SOX5: variants seen among roughly 807,000 people sequenced by gnomAD.
SOX5 encodes SRY-box transcription factor 5.
In SOX5, 9 loss-of-function variants were observed where a neutral mutation model predicts 92.0. The observed-to-expected ratio is 0.10, with a 90% CI of 0.06 to 0.17. The LOEUF (loss-of-function observed/expected upper bound fraction) is 0.17. Among genes scored for constraint, SOX5 ranks in the 10% least tolerant of loss-of-function variants. The probability of loss-of-function intolerance (pLI) is 1.00; values close to 1 mark genes in which losing one functional copy is unlikely to be tolerated. For missense variants in SOX5, 642 were observed against 944.5 expected (o/e 0.68, Z 4.20); for synonymous variants, 344 against 336.3 (o/e 1.02, Z -0.25).
rs1378979301 is a variant in SOX5, at chr12:24,393,790, G to T, written c.-250-25151C>A. Among the ~76,000 whole-genome samples the T allele has an allele frequency of 6.6e-6, 1 of 152,218 alleles. No homozygotes were observed. The highest frequency in any genetic ancestry group is 1.5e-5 in the Non-Finnish European group (1 of 68,008). On this transcript the variant is annotated intron_variant, in intron 1 of 4. Transcript: ENST00000446891. This position sits in a 1 kb window ranked among gnomAD's most constrained non-coding sequence, Gnocchi z 5.0. ...TGTTTCCCATCTTCAAAGAAGTGGG[G>T]AAATTTAAGACTACATATTACATAT...
chr12:23,994,201 T>C (rs979190810), intron 4 of SOX5, among the ~76,000 whole-genome samples: 1 of 151,978 alleles, frequency 6.6e-6, no homozygotes, highest in Non-Finnish European at 1.5e-5. Context: ...GGAAATCTGA[T>C]GTGAATGAGT....
intron 2 of SOX5, among the ~76,000 whole-genome samples, chr12:24,289,140 T>C (rs1946281340): frequency 6.6e-6 from 1 of 152,024 alleles, no homozygotes; most frequent in South Asian, 2.1e-4. Flanking sequence ...AAGTAGCCAG[T>C]CATGGCGGCT....
chr12:24,050,225 G>A (rs1332632035), intron 4 of SOX5, among the ~76,000 whole-genome samples: 1 of 151,910 alleles, frequency 6.6e-6, no homozygotes, highest in Non-Finnish European at 1.5e-5. Flanking sequence ...TTCTCTCAAG[G>A]TAGAAAAATC....
chr12:24,151,642 G>A (rs1951667278), intron 4 of SOX5, among the ~76,000 whole-genome samples: 1 of 151,936 alleles, frequency 6.6e-6, no homozygotes, highest in Non-Finnish European at 1.5e-5. Context: ...CATATTAGTT[G>A]TTTGGTGTTT....
At chr12:24,073,896 C>A (rs1024872154) in intron 4 of SOX5, among the ~76,000 whole-genome samples, 2 of 152,128 alleles carry the variant, frequency 1.3e-5, no homozygotes, top group African/African-American at 4.8e-5. Flanking sequence ...ATCTTGCTCC[C>A]AGTTTTTGGC....
chr12:24,497,027 A>G (rs1358603302), intron 1 of SOX5, among the ~76,000 whole-genome samples: 1 of 152,236 alleles, frequency 6.6e-6, no homozygotes, highest in African/African-American at 2.4e-5. Context: ...TCTCACTTAT[A>G]ACACAGTCCT....
chr12:24,533,229 G>A (rs1026802419), intron 1 of SOX5, among the ~76,000 whole-genome samples: 3 of 152,064 alleles, frequency 2.0e-5, no homozygotes, highest in Non-Finnish European at 2.9e-5. Flanking sequence ...CATTTTGTAA[G>A]GAGCTTGTTC....
chr12:24,554,202 C>T (rs191948823), intron 1 of SOX5, among the ~76,000 whole-genome samples: 2 of 152,262 alleles, frequency 1.3e-5, no homozygotes, highest in East Asian at 1.9e-4. Context: ...TGAATTACAC[C>T]GGTACATCTA....
Position 24,169,394 on chromosome 12 carries a change from T to G in SOX5, c.-2+43949A>C, listed in dbSNP as rs553565552. 2.4e-4 allele frequency among the ~76,000 whole-genome samples: 36 copies of G among 152,366 alleles called. 1 individual carries two copies. Among genetic ancestry groups the G allele is most frequent in the Middle Eastern group, 3.4e-3 (1 of 294 alleles). On this transcript the variant is annotated intron_variant, in intron 4 of 4. Coordinates refer to the SOX5 transcript ENST00000446891. ...ACTCTCAAGCAGGTCATAAAGACTC[T>G]GAGCTATGTCTTCAAAAATTCAAGC...
At chr12:24,024,428 A>T (rs995289036) in intron 4 of SOX5, among the ~76,000 whole-genome samples, 1 of 152,036 alleles carries the variant, frequency 6.6e-6, no homozygotes, top group Non-Finnish European at 1.5e-5. Context: ...ACTGAAAACA[A>T]TTTTTATAGC....
chr12:23,770,429 T>C (rs2141518988), intron 3 of SOX5, among the ~76,000 whole-genome samples: 1 of 152,322 alleles, frequency 6.6e-6, no homozygotes. Context: ...CAACCCTGCA[T>C]TAATTCAAAC....
chr12:23,591,041 A>T (rs988393474), intron 9 of SOX5, among the ~76,000 whole-genome samples: 2 of 151,938 alleles, frequency 1.3e-5, no homozygotes, highest in African/African-American at 2.4e-5. Flanking sequence ...AATATTTTTT[A>T]AAAAATCTTA....
chr12:23,762,597 C>T (rs2094592271), intron 3 of SOX5: 2 of 510,500 alleles, frequency 3.9e-6, no homozygotes, highest in Non-Finnish European at 6.7e-6. Flanking sequence ...TTAATGAGAG[C>T]CTGTTAATAC....
At chr12:23,678,196 G>GT (rs1343104461) in intron 6 of SOX5, among the ~76,000 whole-genome samples, 1 of 152,076 alleles carries the variant, frequency 6.6e-6, no homozygotes. Flanking sequence ...GTAATCATGA[G>GT]TTTTTTAATC....
chr12:24,153,906 C>T (rs1356596761), intron 4 of SOX5, among the ~76,000 whole-genome samples: 1 of 152,066 alleles, frequency 6.6e-6, no homozygotes, highest in Non-Finnish European at 1.5e-5. Context: ...CCACTCAATA[C>T]GTGTTTATCT....
intron 2 of SOX5, among the ~76,000 whole-genome samples, chr12:23,887,917 A>ATGTGTGTGTGTGTGTG (rs61356582): frequency 3.6e-4 from 52 of 144,770 alleles, no homozygotes; most frequent in Middle Eastern, 3.5e-3. Context: ...CAGTGTGTAT[A>ATGTGTGTGTGTGTGTG]TGTGTGTGTG....
At chr12:24,070,099 C>T (rs1941525268) in intron 4 of SOX5, among the ~76,000 whole-genome samples, 2 of 152,160 alleles carry the variant, frequency 1.3e-5, no homozygotes, top group Admixed American at 1.3e-4. Flanking sequence ...CGCAACAACA[C>T]TAATCTTCTC....
chr12:23,714,104 A>AG (rs2092302228), intron 6 of SOX5, among the ~76,000 whole-genome samples: 1 of 151,788 alleles, frequency 6.6e-6, no homozygotes, highest in African/African-American at 2.4e-5. Context: ...AAAAAAAAAA[A>AG]AGAAAAGATT....
intron 3 of SOX5, among the ~76,000 whole-genome samples, chr12:24,266,662 G>C (rs927706867): frequency 6.6e-6 from 1 of 151,954 alleles, no homozygotes. Flanking sequence ...CTATTCATTT[G>C]TAAGCAGTTT....
Sources: allele counts gnomAD v4.1 joint callset (sites outside exome capture counted in the v4.1 genomes callset), GRCh38; gene constraint gnomAD v4.1.1; non-coding constraint Gnocchi (gnomAD v3.1); transcripts MANE v1.5; gene names NCBI Gene and HGNC (gene_info 2026-07-23, HGNC 2026-07-21).